The following AK5 variants were observed in gnomAD, a reference collection of about 807,000 sequenced individuals.
AK5 encodes the protein adenylate kinase 5.
AK5 carries 27 observed loss-of-function variants against 69.5 expected under a neutral mutation model. The observed-to-expected ratio is 0.39, with a 90% CI of 0.29 to 0.54. The LOEUF is 0.54. AK5 is among the 20% of genes least tolerant of loss of function. The pLI, the probability that AK5 is intolerant of heterozygous loss-of-function variation, is 0.71. For synonymous variants in AK5, 260 were observed against 244.4 expected (o/e 1.06, Z -0.60); for missense variants, 531 against 700.4 (o/e 0.76, Z 2.73).
chr1:77,438,567 A>G (rs530199754), intron 8 of AK5, among the ~76,000 whole-genome samples: 2 of 152,270 alleles, frequency 1.3e-5, no homozygotes, highest in South Asian at 2.1e-4. Flanking sequence ...ACCACTTTGT[A>G]TGTTTATTTT....
intron 11 of AK5, among the ~76,000 whole-genome samples, chr1:77,520,921 C>A (rs1657944054): frequency 6.6e-6 from 1 of 152,154 alleles, no homozygotes; most frequent in Non-Finnish European, 1.5e-5. Context: ...AAAGGGAATT[C>A]CTCCACTGGC....
chr1:77,461,401 G>A (rs1653830241), intron 8 of AK5, among the ~76,000 whole-genome samples: 1 of 152,082 alleles, frequency 6.6e-6, no homozygotes. Context: ...CAGAGGCTGG[G>A]GTGGTTAGTG....
At chr1:77,321,631 C>T (rs1463035044) in intron 5 of AK5, among the ~76,000 whole-genome samples, 1 of 152,138 alleles carries the variant, frequency 6.6e-6, no homozygotes, top group African/African-American at 2.4e-5. Context: ...TCTACAAAAA[C>T]CTATATAGCT....
At chr1:77,355,296 G>A (rs996952687) in intron 6 of AK5, among the ~76,000 whole-genome samples, 28 of 152,166 alleles carry the variant, frequency 1.8e-4, no homozygotes, top group Non-Finnish European at 3.1e-4. Context: ...TTAAAACAAT[G>A]AAATCTGATA....
chr1:77,383,992 T>C (rs1425348100), intron 6 of AK5, among the ~76,000 whole-genome samples: 3 of 152,126 alleles, frequency 2.0e-5, no homozygotes, highest in African/African-American at 7.2e-5. Flanking sequence ...AAAAATGTTA[T>C]ATTAGAGATA....
At chr1:77,481,115 G>A (rs1057078972) in intron 8 of AK5, among the ~76,000 whole-genome samples, 1 of 152,220 alleles carries the variant, frequency 6.6e-6, no homozygotes, top group Non-Finnish European at 1.5e-5. Flanking sequence ...GGCCAGGTGA[G>A]CAGAGGAGAG....
chr1:77,357,253 A>G (rs989706237), intron 6 of AK5, among the ~76,000 whole-genome samples: 2 of 151,356 alleles, frequency 1.3e-5, no homozygotes, highest in African/African-American at 2.5e-5. Context: ...TGGTGATCCA[A>G]GGGCTGACTT....
At chr1:77,520,956 A>G (rs1054858030) in intron 11 of AK5, among the ~76,000 whole-genome samples, 1 of 152,106 alleles carries the variant, frequency 6.6e-6, no homozygotes, top group Non-Finnish European at 1.5e-5. Flanking sequence ...TTCCTCTACC[A>G]ATTTCCAGAC....
intron 6 of AK5, among the ~76,000 whole-genome samples, chr1:77,382,763 T>A (rs1212886989): frequency 1.3e-5 from 2 of 152,196 alleles, no homozygotes; most frequent in African/African-American, 2.4e-5. Context: ...TAATAAAGAG[T>A]TAACATGGAT....
At chr1:77,429,254 C>A (rs1651431303) in intron 8 of AK5, among the ~76,000 whole-genome samples, 1 of 152,204 alleles carries the variant, frequency 6.6e-6, no homozygotes, top group South Asian at 2.1e-4. Context: ...CACATCCTCT[C>A]CAGCACCTGT....
At position 77,559,520 on chromosome 1, in the gene AK5, A is replaced by G. The variant is rs780057186; in HGVS notation, c.*850A>G. On this transcript the variant is annotated 3_prime_UTR_variant, in exon 14 of 14. Coordinates refer to ENST00000354567, the MANE Select transcript of AK5 (RefSeq NM_174858.3). ...TTCATTGGGCACATATCAAATTATA[A>G]TTTTGATTTTAAATGGTCACCCATG... The G allele has an allele frequency of 2.7e-5, 4 of 147,788 alleles. No homozygotes were observed. Among genetic ancestry groups the G allele is most frequent in the Non-Finnish European group, 6.0e-5 (4 of 66,878 alleles). The allele number at this position is 147,788 out of a possible 1,614,324, so 9.2% of individuals were successfully genotyped here.
At chr1:77,304,501 G>A (rs1384627418) in intron 5 of AK5, among the ~76,000 whole-genome samples, 2 of 151,770 alleles carry the variant, frequency 1.3e-5, no homozygotes, top group African/African-American at 2.4e-5. Context: ...TGTCTCCTGG[G>A]TTCAAGCAAT....
intron 5 of AK5, among the ~76,000 whole-genome samples, chr1:77,331,585 G>C (rs964316723): frequency 1.3e-5 from 2 of 152,086 alleles, no homozygotes; most frequent in Non-Finnish European, 2.9e-5. Context: ...GTCATGATAT[G>C]TATAATCCTT....
intron 8 of AK5, among the ~76,000 whole-genome samples, chr1:77,418,541 C>G (rs2100584420): frequency 6.6e-6 from 1 of 152,332 alleles, no homozygotes; most frequent in Non-Finnish European, 1.5e-5. Flanking sequence ...AGACATTTAT[C>G]TGGGTCATTT....
chr1:77,308,191 C>T (rs1417985122), intron 5 of AK5, among the ~76,000 whole-genome samples: 4 of 152,228 alleles, frequency 2.6e-5, no homozygotes, highest in Admixed American at 6.5e-5. Context: ...TAGGAGTCTA[C>T]CACAAGCCGC....
chr1:77,488,172 T>C (rs1274860218), intron 10 of AK5, among the ~76,000 whole-genome samples: 4 of 152,292 alleles, frequency 2.6e-5, no homozygotes, highest in Non-Finnish European at 5.9e-5. Flanking sequence ...TTAGTTCCAG[T>C]TGTCATCTGC....
chr1:77,426,385 T>G (rs952798892), intron 8 of AK5, among the ~76,000 whole-genome samples: 2 of 152,182 alleles, frequency 1.3e-5, no homozygotes, highest in East Asian at 3.8e-4. Context: ...AGAGATTTTT[T>G]AAAGCATTAC....
intron 10 of AK5, among the ~76,000 whole-genome samples, chr1:77,500,860 T>TTTTCG (rs1656675994): frequency 8.1e-6 from 1 of 123,692 alleles, no homozygotes; most frequent in Non-Finnish European, 1.6e-5. Context: ...TGAAGTTCGT[T>TTTTCG]TTTTGTTTTG....
intron 5 of AK5, among the ~76,000 whole-genome samples, chr1:77,300,167 C>A (rs1412633028): frequency 1.3e-5 from 2 of 152,090 alleles, no homozygotes; most frequent in African/African-American, 4.8e-5. Flanking sequence ...AAAAGCATAA[C>A]CCTCTGGTAA....
Sources: allele counts gnomAD v4.1 joint callset (sites outside exome capture counted in the v4.1 genomes callset), GRCh38; gene constraint gnomAD v4.1.1; transcripts MANE v1.5; gene names NCBI Gene and HGNC (gene_info 2026-07-23, HGNC 2026-07-21).